The following FBXO43 variants were observed in gnomAD, a reference collection of about 807,000 sequenced individuals.
FBXO43 encodes the protein F-box only protein 43.
FBXO43 carries 22 observed loss-of-function variants against 56.7 expected under a neutral mutation model. The observed-to-expected ratio is 0.39, with a 90% CI of 0.28 to 0.55. FBXO43 has a LOEUF of 0.55. Among genes scored for constraint, FBXO43 ranks in the 20% least tolerant of loss-of-function variants. The probability of loss-of-function intolerance (pLI) is 0.66; values close to 1 mark genes in which losing one functional copy is unlikely to be tolerated. For missense variants in FBXO43, 733 were observed against 814.9 expected (o/e 0.90, Z 1.22); for synonymous variants, 306 against 294.5 (o/e 1.04, Z -0.40).
At chr8:100,140,133 T>C (rs1272447277) in intron 2 of FBXO43, among the ~76,000 whole-genome samples, 1 of 152,200 alleles carries the variant, frequency 6.6e-6, no homozygotes, top group Admixed American at 6.5e-5. Flanking sequence ...AAGAACTTTA[T>C]TCAGAAAAAA....
chr8:100,137,235 T>A (rs910504993), intron 3 of FBXO43: 4 of 164,882 alleles, frequency 2.4e-5, no homozygotes, highest in African/African-American at 9.6e-5. Flanking sequence ...ATTTTTTGTA[T>A]TTTTTTAGTA....
intron 1 of FBXO43, among the ~76,000 whole-genome samples, chr8:100,144,287 G>T (rs1209373914): frequency 6.6e-6 from 1 of 151,396 alleles, no homozygotes; most frequent in Middle Eastern, 3.2e-3. Flanking sequence ...CGCGGCGGGA[G>T]AAATGCTTGA....
chr8:100,138,051 T>C (rs1563752145), intron 2 of FBXO43, among the ~76,000 whole-genome samples: 2 of 152,204 alleles, frequency 1.3e-5, no homozygotes, highest in Non-Finnish European at 2.9e-5. Flanking sequence ...ATTCCTGTGT[T>C]TAACAAATCT....
chr8:100,133,958 C>T lies in FBXO43; in HGVS notation c.1971G>A (p.Leu657=). 2 of 1,614,200 alleles carry T rather than the reference C, an allele frequency of 1.2e-6. No homozygotes were observed. Among genetic ancestry groups the T allele is most frequent in the Non-Finnish European group, 1.7e-6 (2 of 1,180,030 alleles). Residue 657 remains leucine (L), a synonymous_variant, in exon 5 of 5, where the codon CTG becomes CTA. Transcript: ENST00000428847. ...AKYQPYKKRG[L]CSRTACGFDF... ...CAAAACCACAGGCTGTTCGGCTACACAGTCCCCTTTTCTTATATGGCTGGT... is the reference window on the plus strand; with the variant it reads ...CAAAACCACAGGCTGTTCGGCTACATAGTCCCCTTTTCTTATATGGCTGGT...
At chr8:100,144,657 C>T (rs1208790021) in intron 1 of FBXO43, among the ~76,000 whole-genome samples, 5 of 145,422 alleles carry the variant, frequency 3.4e-5, no homozygotes, top group African/African-American at 7.6e-5. Context: ...AGCGGCCGGG[C>T]GCGGTGGCTC....
At chr8:100,142,759 C>G (rs1005772124) in intron 1 of FBXO43, among the ~76,000 whole-genome samples, 2 of 152,192 alleles carry the variant, frequency 1.3e-5, no homozygotes, top group Non-Finnish European at 2.9e-5. Context: ...AGACTTAAGA[C>G]TTTGCAAAGA....
chr8:100,138,857 G>T (rs1403349732), intron 2 of FBXO43, among the ~76,000 whole-genome samples: 1 of 152,152 alleles, frequency 6.6e-6, no homozygotes, highest in Non-Finnish European at 1.5e-5. Context: ...GGGCAATGTA[G>T]TAAGACCCCA....
At chr8:100,140,456 C>T (rs1052186652) in intron 2 of FBXO43, among the ~76,000 whole-genome samples, 1 of 151,894 alleles carries the variant, frequency 6.6e-6, no homozygotes, top group Admixed American at 6.6e-5. Context: ...GGCGACAGAG[C>T]GAGACTCTTG....
chr8:100,139,602 C>G (rs934693256), intron 2 of FBXO43, among the ~76,000 whole-genome samples: 1 of 152,172 alleles, frequency 6.6e-6, no homozygotes, highest in African/African-American at 2.4e-5. Flanking sequence ...TCCCATGGGT[C>G]TTGTCTTCTG....
At position 100,141,492 on chromosome 8, in the gene FBXO43, C is replaced by G. The variant is rs768936412; in HGVS notation, c.762G>C (p.Gln254His). The G allele has an allele frequency of 6.2e-7, 1 of 1,612,828 alleles. No homozygotes were observed. The highest frequency in any genetic ancestry group is 1.1e-5 in the South Asian group (1 of 91,064). ...LFEVECISPI[Q>H]GNNFKDSITH... is the part of the protein sequence containing the mutation. Reference sequence around the variant, plus strand: ...TGATAGAGTCTTTAAAATTATTGCCCTGAATTGGAGATATACATTCAACTT... The same window carrying G: ...TGATAGAGTCTTTAAAATTATTGCCGTGAATTGGAGATATACATTCAACTT... Residue 254 changes from glutamine (Q) to histidine (H), a missense_variant, in exon 2 of 5, where the codon CAG becomes CAC. Gln to His is a conservative substitution (Grantham distance 24). Coordinates refer to ENST00000428847, the MANE Select transcript of FBXO43 (RefSeq NM_001029860.4).
intron 3 of FBXO43, among the ~76,000 whole-genome samples, chr8:100,136,666 T>C (rs1490880115): frequency 6.6e-6 from 1 of 152,222 alleles, no homozygotes; most frequent in Non-Finnish European, 1.5e-5. Context: ...CTTTCTCTGC[T>C]AAAACCCTCT....
At position 100,141,390 on chromosome 8, in the gene FBXO43, A is replaced by G. The variant is rs1814646393; in HGVS notation, c.864T>C (p.Ser288=). The change falls in exon 2 of 5, where the codon AGT becomes AGC. Residue 288 remains serine, a synonymous_variant. Transcript: ENST00000428847. ...CCTCATCTGTTCCACAAGTTGTTCC[A>G]CTAACAGAGGAGCCCAGGAGCTCTG... The part of the protein sequence containing the change: ...ACPELLGSSV[S]GTTCGTDEDI... 2.5e-6 allele frequency: 4 copies of G among 1,613,482 alleles called. No homozygotes were observed. The highest frequency in any genetic ancestry group is 3.4e-6 in the Non-Finnish European group (4 of 1,179,998).
upstream of FBXO43, among the ~76,000 whole-genome samples, chr8:100,146,470 G>A (rs1443649246): frequency 6.6e-6 from 1 of 152,156 alleles, no homozygotes; most frequent in Non-Finnish European, 1.5e-5. Context: ...ATAAAAACCA[G>A]AGTGAAATGT....
At position 100,141,591 on chromosome 8, in the gene FBXO43, T is replaced by C. The variant is rs998459885; in HGVS notation, c.663A>G (p.Gln221=). The part of the protein sequence containing the change: ...LKTEEVTSCS[Q]KLRLNFSQQK... Reference sequence around the variant, plus strand: ...GCTGAGAAAAATTAAGCCTCAATTTTTGACTGCATGAAGTCACTTCTTCTG... The same window carrying C: ...GCTGAGAAAAATTAAGCCTCAATTTCTGACTGCATGAAGTCACTTCTTCTG... The change falls in exon 2 of 5, where the codon CAA becomes CAG. Residue 221 remains glutamine (Q), a synonymous_variant. Transcript: ENST00000428847. 5 of 1,612,158 alleles carry C rather than the reference T, an allele frequency of 3.1e-6. No homozygotes were observed. In the African/African-American group the frequency reaches 5.3e-5, roughly 17 times the overall value.
At chr8:100,145,829 C>G (rs545296543), upstream of FBXO43, 5 of 152,560 alleles carry the variant, frequency 3.3e-5, no homozygotes, top group Non-Finnish European at 5.9e-5. Context: ...AACGGCCCGC[C>G]CGGGGTAACC....
upstream of FBXO43, among the ~76,000 whole-genome samples, chr8:100,147,626 C>A (rs1814857378): frequency 6.6e-6 from 1 of 152,090 alleles, no homozygotes; most frequent in Non-Finnish European, 1.5e-5. Flanking sequence ...GAATGGAGGA[C>A]AGAATGAAGA....
upstream of FBXO43, among the ~76,000 whole-genome samples, chr8:100,147,735 G>T (rs1409823733): frequency 6.6e-6 from 1 of 152,162 alleles, no homozygotes; most frequent in Non-Finnish European, 1.5e-5. Context: ...ATGTTCAGTT[G>T]GCAGAATCAA....
intron 1 of FBXO43, among the ~76,000 whole-genome samples, chr8:100,143,096 C>T (rs1056431462): frequency 1.3e-5 from 2 of 151,592 alleles, no homozygotes; most frequent in African/African-American, 2.4e-5. Flanking sequence ...AGTGTCATCA[C>T]ATTCCTTCTT....
At chr8:100,144,732 C>A (rs1338392716) in intron 1 of FBXO43, among the ~76,000 whole-genome samples, 1 of 151,350 alleles carries the variant, frequency 6.6e-6, no homozygotes, top group African/African-American at 2.4e-5. Flanking sequence ...GAGAGCGAGA[C>A]CAACCTGGCT....
Sources: gnomAD v4.1 joint callset for allele counts (sites outside exome capture counted in the v4.1 genomes callset) on GRCh38, gnomAD v4.1.1 for gene constraint, MANE v1.5 for transcripts, NCBI Gene and HGNC (gene_info 2026-07-23, HGNC 2026-07-21) for gene names.